ALOX15: variants seen among roughly 807,000 people sequenced by gnomAD.
ALOX15 encodes polyunsaturated fatty acid lipoxygenase ALOX15.
A neutral mutation model predicts 71.7 loss-of-function variants in ALOX15; 68 were observed. The observed-to-expected ratio is 0.95, with a 90% confidence interval of 0.78 to 1.16. The LOEUF (loss-of-function observed/expected upper bound fraction) is 1.16. Among genes scored for constraint, ALOX15 ranks in the 50% most tolerant of loss-of-function variants. The pLI, the probability that ALOX15 is intolerant of heterozygous loss-of-function variation, is 0.00. For synonymous variants in ALOX15, 346 were observed against 333.3 expected, an observed-to-expected ratio of 1.04 and a Z score of -0.42; for missense variants, 798 against 818.8, an observed-to-expected ratio of 0.97 and a Z score of 0.31.
At position 4,641,569 on chromosome 17, in the gene ALOX15, C is replaced by T; in HGVS notation, c.83G>A (p.Gly28Asp). 1 of 1,613,542 alleles carries T rather than the reference C, an allele frequency of 6.2e-7. No individual in the cohort carries two copies. The highest frequency in any genetic ancestry group is 8.5e-7 in the Non-Finnish European group (1 of 1,180,024). The change falls in exon 1 of 14, where the codon GGC becomes GAC. Residue 28 changes from glycine to aspartate, a missense_variant. Physicochemically the swap from Gly to Asp is moderately conservative, Grantham distance 94 (BLOSUM62 -1). Coordinates refer to ENST00000293761, the MANE Select transcript of ALOX15 (RefSeq NM_001140.5). ...SNNQVQLWLV[G>D]QHGEAALGKR... is the part of the protein sequence containing the mutation. ...CCCGAGCGCCGCCTCCCCGTGCTGG[C>T]CGACCAGCCACAGCTGCACCTGGTT...
At position 4,632,995 on chromosome 17, in the gene ALOX15, G is replaced by A. The variant is rs766389723; in HGVS notation, c.1419-13C>T. On this transcript the variant is annotated splice_polypyrimidine_tract_variant and intron_variant, in intron 10 of 13. Coordinates refer to ENST00000293761, the MANE Select transcript of ALOX15 (RefSeq NM_001140.5). ...TCCTTCCACATACCTACCAACCAAC[G>A]GAGCAGGGCCAGGGAGCTGAAGCCA... The A allele has an allele frequency of 1.1e-5, 18 of 1,613,906 alleles. No individual in the cohort carries two copies. The highest frequency in any genetic ancestry group is 3.3e-5 in the Admixed American group (2 of 59,998).
Position 4,631,668 on chromosome 17 carries a change from T to C in ALOX15, c.1921A>G (p.Asn641Asp). Residue 641 changes from asparagine (N) to aspartate (D), a missense_variant, in exon 14 of 14, where the codon AAT (asparagine) becomes GAT (aspartate). Asn to Asp is a conservative substitution (Grantham distance 23). Transcript: ENST00000293761. ...AALDKEIEIRNAKLDMPYEYL... is the reference protein window; with the variant it reads ...AALDKEIEIRDAKLDMPYEYL... ...TCGTAGGGCATGTCCAGCTTTGCAT[T>C]CCGGATCTCAATTTCCTTATCCAGG... is the stretch of plus-strand genomic sequence containing the variant. 1 of 1,614,182 alleles carries C rather than the reference T, an allele frequency of 6.2e-7. No homozygotes were observed. The highest frequency in any genetic ancestry group is 8.5e-7 in the Non-Finnish European group (1 of 1,180,034).
In ALOX15 at chr17:4,633,397, C is replaced by T. The variant is rs1464309517; in HGVS notation, c.1248+17G>A. ...GGAAAAAAGACAGACCCAGAATCTC[C>T]CTTTCTCTTCCCATACCTGGTCGAA... On this transcript the variant is annotated intron_variant, in intron 9 of 13. Transcript: ENST00000293761. 1 of 1,613,470 alleles carries T rather than the reference C, an allele frequency of 6.2e-7. No individual in the cohort carries two copies. The highest frequency in any genetic ancestry group is 1.1e-5 in the South Asian group (1 of 91,050).
In ALOX15 at chr17:4,635,829, C is replaced by T; in HGVS notation, c.1091G>A (p.Gly364Glu). ...LHELQSHLLRGHLMAEVIVVA... is the reference protein window; with the variant it reads ...LHELQSHLLREHLMAEVIVVA... Reference sequence around the variant, plus strand: ...AACAATGACCTCAGCCATCAAGTGTCCCCTCAGAAGATGAGACTGCAGCTC... The same window carrying T: ...AACAATGACCTCAGCCATCAAGTGTTCCCTCAGAAGATGAGACTGCAGCTC... Residue 364 changes from glycine (G) to glutamate (E), a missense_variant, in exon 8 of 14, where the codon GGA becomes GAA. Gly to Glu is a moderately conservative substitution (Grantham distance 98). This residue lies in a region of ALOX15 where 490 missense variants were observed against 509.4 expected (regional missense o/e 0.96). Coordinates refer to ENST00000293761, the MANE Select transcript of ALOX15 (RefSeq NM_001140.5). 6.2e-7 allele frequency: 1 copy of T among 1,614,258 alleles called. No individual in the cohort carries two copies. Among genetic ancestry groups the T allele is most frequent in the Non-Finnish European group, 8.5e-7 (1 of 1,180,050 alleles).
intron 7 of ALOX15, 77 bp downstream of exon 7, chr17:4,637,038 T>C: frequency 6.6e-7 from 1 of 1,523,230 alleles, no homozygotes; most frequent in Non-Finnish European, 8.9e-7. Flanking sequence ...TTGCAGATGG[T>C]GCTCAGTAAA....
Position 4,635,669 on chromosome 17 carries a change from G to A in ALOX15, c.1161+90C>T, listed in dbSNP as rs534471533. The A allele has an allele frequency of 2.3e-4, 288 of 1,250,538 alleles. 2 individuals carry two copies. The South Asian group carries it at 3.2e-3, about 14-fold the overall frequency. The allele number at this position is 1,250,538 out of a possible 1,614,324, so 77.5% of individuals were successfully genotyped here. On this transcript the variant is annotated intron_variant, in intron 8 of 13. Coordinates refer to ENST00000293761, the MANE Select transcript of ALOX15 (RefSeq NM_001140.5). Reference sequence around the variant, plus strand: ...CATTCATTGTTTCTCTCTGTACCCCGAGACCCCACAGAGAGGGAGCCTCCA... The same window carrying A: ...CATTCATTGTTTCTCTCTGTACCCCAAGACCCCACAGAGAGGGAGCCTCCA...
Position 4,641,619 on chromosome 17 carries a change from C to A in ALOX15, c.33G>T (p.Gly11=). 3.1e-6 allele frequency: 5 copies of A among 1,613,790 alleles called. No homozygotes were observed. The highest frequency in any genetic ancestry group is 4.2e-6 in the Non-Finnish European group (5 of 1,180,040). Residue 11 remains glycine (G), a synonymous_variant, in exon 1 of 14, where the codon GGG becomes GGT. Transcript: ENST00000293761. ...TGTTGGAACCGGCATAGAGCGAGGC[C>A]CCAGTGGACACGCGGATGCGGTAGA... MGLYRIRVST[G]ASLYAGSNNQ... is the part of the protein sequence containing the mutation.
intron 10 of ALOX15, 47 bp from the exon 11 acceptor site, chr17:4,633,029 C>T (rs375232425): frequency 8.2e-5 from 132 of 1,613,588 alleles, no homozygotes; most frequent in African/African-American, 2.7e-5. Flanking sequence ...CAGCTCTGCC[C>T]CTGCTCACAT....
chr17:4,639,226 G>A, intron 2 of ALOX15, 94 bp from the exon 3 acceptor site: 2 of 1,502,802 alleles, frequency 1.3e-6, no homozygotes, highest in Non-Finnish European at 1.8e-6. Flanking sequence ...CCTTCTGTGT[G>A]GCCTCTGCCC....
rs1911242261 is a variant in ALOX15, at chr17:4,639,524, G to T, written c.243C>A (p.Ile81=). Residue 81 remains isoleucine (I), a synonymous_variant, in exon 2 of 14, where the codon ATC becomes ATA. Transcript: ENST00000293761. ...LKDDAWFCNW[I]SVQGPGAGDE... Reference sequence around the variant, plus strand: ...CCCCGGCTCCGGGGCCCTGCACAGAGATCCAGTTGCAGAACCAGGCGTCGT... The same window carrying T: ...CCCCGGCTCCGGGGCCCTGCACAGATATCCAGTTGCAGAACCAGGCGTCGT... 1 of 1,613,944 alleles carries T rather than the reference G, an allele frequency of 6.2e-7. No individual in the cohort carries two copies. Among genetic ancestry groups the T allele is most frequent in the Non-Finnish European group, 8.5e-7 (1 of 1,180,052 alleles).
At chr17:4,633,096 G>T (rs1260567665) in intron 10 of ALOX15, 50 bp downstream of exon 10, 1 of 1,608,248 alleles carries the variant, frequency 6.2e-7, no homozygotes, top group African/African-American at 1.3e-5. Context: ...TCTCCTACAT[G>T]TCTTCTCCAC....
rs1177375826 is a variant in ALOX15 at position 4,639,035 on chromosome 17, G to C, written c.419+16C>G. ...AGCATCAGCAGCTCACGTGGGGTCA[G>C]GGGAGGAGGGCTCACCGGTACAACT... On this transcript the variant is annotated intron_variant, in intron 3 of 13. Coordinates refer to ENST00000293761, the MANE Select transcript of ALOX15 (RefSeq NM_001140.5). 4 of 1,614,092 alleles carry C rather than the reference G, an allele frequency of 2.5e-6. No individual in the cohort carries two copies. The highest frequency in any genetic ancestry group is 3.4e-6 in the Non-Finnish European group (4 of 1,180,038).
At chr17:4,640,732 G>T (rs1392877560) in intron 1 of ALOX15, among the ~76,000 whole-genome samples, 19 of 151,546 alleles carry the variant, frequency 1.3e-4, no homozygotes, top group African/African-American at 3.6e-4. Context: ...GGACGCGGGC[G>T]GTCGGGGGCG....
rs147699871 is a variant in ALOX15, at chr17:4,638,851, C to T, written c.541G>A (p.Gly181Arg). 6.2e-7 allele frequency: 1 copy of T among 1,614,240 alleles called. No individual in the cohort carries two copies. Among genetic ancestry groups the T allele is most frequent in the South Asian group, 1.1e-5 (1 of 91,086 alleles). The change falls in exon 4 of 14, where the codon GGG (glycine) becomes AGG (arginine). Residue 181 changes from glycine to arginine, a missense_variant and splice_region_variant. Physicochemically the swap from Gly to Arg is moderately radical, Grantham distance 125. Coordinates refer to ENST00000293761, the MANE Select transcript of ALOX15 (RefSeq NM_001140.5). Reference protein sequence around the residue: ...RVDFEVSLAKGLADLAIKDSL... With the variant: ...RVDFEVSLAKRLADLAIKDSL... ...CACCCAGCCTCCCCTTGCTCTCACC[C>T]CTTGGCCAGCGAAACCTCAAAGTCA...
Position 4,631,493 on chromosome 17 carries a change from T to C in ALOX15, c.*107A>G. ...TGAAAAGGTGCCCCTCTAGGGAGGG[T>C]GGGACATGGGAAGAGGGTGGGACTT... On this transcript the variant is annotated 3_prime_UTR_variant, in exon 14 of 14. Coordinates refer to ENST00000293761, the MANE Select transcript of ALOX15 (RefSeq NM_001140.5). The C allele has an allele frequency of 7.3e-7, 1 of 1,363,600 alleles. No homozygotes were observed. The highest frequency in any genetic ancestry group is 9.9e-7 in the Non-Finnish European group (1 of 1,012,332). The allele number at this position is 1,363,600 out of a possible 1,614,324, so 84.5% of individuals were successfully genotyped here.
rs1233232633 is a variant in ALOX15, at chr17:4,641,559, C to A, written c.93G>T (p.Gly31=). 7.4e-6 allele frequency: 12 copies of A among 1,613,346 alleles called. No individual in the cohort carries two copies. Among genetic ancestry groups the A allele is most frequent in the Non-Finnish European group, 9.3e-6 (11 of 1,180,020 alleles). ...ACAGTCGCTTCCCGAGCGCCGCCTCCCCGTGCTGGCCGACCAGCCACAGCT... is the reference window on the plus strand; with the variant it reads ...ACAGTCGCTTCCCGAGCGCCGCCTCACCGTGCTGGCCGACCAGCCACAGCT... ...QVQLWLVGQH[G]EAALGKRLWP... is the part of the protein sequence containing the mutation. Residue 31 remains glycine (G), a synonymous_variant, in exon 1 of 14, where the codon GGG becomes GGT. Transcript: ENST00000293761.
chr17:4,641,368 C>T (rs545327951), intron 1 of ALOX15, 149 bp downstream of exon 1: 1 of 1,143,132 alleles, frequency 8.7e-7, no homozygotes, highest in Non-Finnish European at 1.2e-6. Flanking sequence ...GCCCCCCACC[C>T]CCGTGGCCTC....
At chr17:4,632,405 G>T in intron 11 of ALOX15, 124 bp from the exon 12 acceptor site, 1 of 802,618 alleles carries the variant, frequency 1.2e-6, no homozygotes, top group Non-Finnish European at 2.0e-6. Flanking sequence ...AACTCTTACA[G>T]GAATTACCAT....
chr17:4,633,033 C>T (rs746390453), intron 10 of ALOX15, 51 bp from the exon 11 acceptor site: 10 of 1,613,410 alleles, frequency 6.2e-6, no homozygotes, highest in East Asian at 2.2e-5. Context: ...TCTGCCCCTG[C>T]TCACATGGCC....
Sources: gnomAD v4.1 joint callset for allele counts (sites outside exome capture counted in the v4.1 genomes callset) on GRCh38, gnomAD v4.1.1 for gene constraint, gnomAD v4.1.1 regional missense constraint, MANE v1.5 for transcripts, NCBI Gene and HGNC (gene_info 2026-07-23, HGNC 2026-07-21) for gene names.